The following NAGK variants were observed in gnomAD, a reference collection of about 807,000 sequenced individuals.
NAGK encodes N-acetylglucosamine kinase.
In NAGK, 35 loss-of-function variants were observed where a neutral mutation model predicts 42.9. The observed-to-expected ratio is 0.82, with a 90% confidence interval of 0.62 to 1.08. The LOEUF is 1.08. Ranked by LOEUF, NAGK falls within the 50% of genes least tolerant of loss-of-function variation. NAGK has a pLI of 0.00. For synonymous variants in NAGK, 172 were observed against 176.0 expected (o/e 0.98, Z 0.18); for missense variants, 446 against 446.0 (o/e 1.00, Z 0.00).
At chr2:71,077,469 G>A in intron 8 of NAGK, 89 bp from the exon 9 acceptor site, 2 of 1,275,172 alleles carry the variant, frequency 1.6e-6, no homozygotes, top group Non-Finnish European at 2.2e-6. Context: ...GAGTAACTGG[G>A]ATAGAGTGGG....
At chr2:71,070,381 G>T in intron 1 of NAGK, 121 bp from the exon 2 acceptor site, 1 of 729,656 alleles carries the variant, frequency 1.4e-6, no homozygotes, top group Non-Finnish European at 2.3e-6. Flanking sequence ...TGGGAGTGGT[G>T]ATTGAGTTTG....
intron 6 of NAGK, among the ~76,000 whole-genome samples, chr2:71,073,803 C>A (rs1672116765): frequency 6.6e-6 from 1 of 152,072 alleles, no homozygotes; most frequent in South Asian, 2.1e-4. Context: ...AGGAGGGTGT[C>A]AGTCATGAGG....
intron 1 of NAGK, 115 bp downstream of exon 1, chr2:71,068,827 C>G: frequency 7.1e-7 from 1 of 1,402,848 alleles, no homozygotes; most frequent in Non-Finnish European, 9.2e-7. Flanking sequence ...GGCGGCGGGA[C>G]CTTGCGGTGA....
At position 71,071,720 on chromosome 2, in the gene NAGK, C is replaced by A. The variant is rs956654671; in HGVS notation, c.248C>A (p.Ala83Glu). ...CTGAGCGGTGGGGACCAGGAGGACG[C>A]GGGGAGGATCCTGATCGAGGAGCTG... ...LSLSGGDQEDAGRILIEELRD... is the reference protein window; with the variant it reads ...LSLSGGDQEDEGRILIEELRD... Residue 83 changes from alanine to glutamate, a missense_variant, in exon 4 of 10, where the codon GCG (alanine) becomes GAG (glutamate). Physicochemically the swap from Ala to Glu is moderately radical, Grantham distance 107. Coordinates refer to ENST00000244204, the MANE Select transcript of NAGK (RefSeq NM_017567.6). 3.2e-5 allele frequency: 52 copies of A among 1,613,794 alleles called. No homozygotes were observed. The highest frequency in any genetic ancestry group is 4.4e-5 in the Non-Finnish European group (52 of 1,179,986).
chr2:71,076,342 G>A lies in NAGK; in HGVS notation c.668-262G>A, dbSNP rs117610220. ...TACTAGGTGCCAGTGCATTCCTTTAGTGGGTGCTGCCCTCCCTTCCTGAGT... is the reference window on the plus strand; with the variant it reads ...TACTAGGTGCCAGTGCATTCCTTTAATGGGTGCTGCCCTCCCTTCCTGAGT... On this transcript the variant is annotated intron_variant, in intron 7 of 9. Transcript: ENST00000244204. 2.1e-3 allele frequency: 791 copies of A among 369,780 alleles called. 9 individuals are homozygous for A. Among genetic ancestry groups the A allele is most frequent in the East Asian group, 0.015 (247 of 16,662 alleles). 22.9% of individuals were successfully genotyped at this position (369,780 alleles called of 1,614,324 possible).
rs184414643 is a variant in NAGK at position 71,079,136 on chromosome 2, C to G, written c.*628C>G. 6.6e-6 allele frequency: 1 copy of G among 152,496 alleles called. No individual in the cohort carries two copies. The highest frequency in any genetic ancestry group is 1.9e-4 in the East Asian group (1 of 5,192). The allele number at this position is 152,496 out of a possible 1,614,324, so 9.4% of individuals were successfully genotyped here. The stretch of plus-strand genomic sequence containing the variant: ...AGTTTTTGAAAGGTTATGAGGATGG[C>G]TGAGATCCAAGAAGACCAACTAGGT... On this transcript the variant is annotated 3_prime_UTR_variant, in exon 10 of 10. Transcript: ENST00000244204.
chr2:71,072,239 C>CT (rs748957562), intron 4 of NAGK: 4 of 257,326 alleles, frequency 1.6e-5, no homozygotes, highest in Admixed American at 1.5e-4. Context: ...TTCCAAAACT[C>CT]TGAGTTTCAG....
chr2:71,077,365 C>G (rs1672250111), intron 8 of NAGK, among the ~76,000 whole-genome samples, 193 bp from the exon 9 acceptor site: 1 of 152,158 alleles, frequency 6.6e-6, no homozygotes, highest in Admixed American at 6.5e-5. Flanking sequence ...TTTTTCCTTC[C>G]TCTTCTCTCC....
At chr2:71,070,693 T>C in intron 2 of NAGK, 48 bp from the exon 3 acceptor site, 3 of 1,612,342 alleles carry the variant, frequency 1.9e-6, no homozygotes, top group African/African-American at 1.3e-5. Flanking sequence ...GGGGGCAACA[T>C]AGCTTCTGTA....
intron 5 of NAGK, chr2:71,073,176 A>C: frequency 2.0e-6 from 1 of 499,986 alleles, no homozygotes. Flanking sequence ...AGTTCATGGC[A>C]GTGACTCCGG....
chr2:71,070,271 G>A, intron 1 of NAGK: 2 of 450,480 alleles, frequency 4.4e-6, no homozygotes, highest in East Asian at 4.4e-5. Flanking sequence ...TGAAGCGTAA[G>A]TAGAGTCTTG....
chr2:71,075,213 G>T (rs1672164273), intron 6 of NAGK: 1 of 195,256 alleles, frequency 5.1e-6, no homozygotes, highest in Non-Finnish European at 1.1e-5. Flanking sequence ...TGGGAGGATT[G>T]CTTAAGGCCA....
At chr2:71,074,915 C>CA (rs897007228) in intron 6 of NAGK, 3 of 150,328 alleles carry the variant, frequency 2.0e-5, no homozygotes, top group East Asian at 1.9e-4. Flanking sequence ...GACTCTGCCT[C>CA]AAAAAAAATA....
chr2:71,077,027 G>C (rs370875879), intron 8 of NAGK, among the ~76,000 whole-genome samples: 18 of 152,180 alleles, frequency 1.2e-4, no homozygotes, highest in African/African-American at 4.3e-4. Context: ...GCAGTAGCGT[G>C]ATCTCAGCTC....
At chr2:71,068,630 T>C, upstream of NAGK, 1 of 1,520,936 alleles carries the variant, frequency 6.6e-7, no homozygotes, top group Non-Finnish European at 8.8e-7. Context: ...GGGAAGGAGG[T>C]GTCAGGCGGG....
At chr2:71,072,512 T>G in intron 4 of NAGK, 129 bp from the exon 5 acceptor site, 1 of 704,580 alleles carries the variant, frequency 1.4e-6, no homozygotes, top group South Asian at 1.7e-5. Context: ...GGGCTCAGTT[T>G]TCTCCTCTAC....
intron 1 of NAGK, 168 bp downstream of exon 1, chr2:71,068,880 G>T: frequency 7.4e-7 from 1 of 1,356,736 alleles, no homozygotes; most frequent in Non-Finnish European, 9.4e-7. Flanking sequence ...GCGCACAGCT[G>T]TATGCCTTAC....
chr2:71,077,488 A>G, intron 8 of NAGK, 70 bp from the exon 9 acceptor site: 1 of 1,483,182 alleles, frequency 6.7e-7, no homozygotes, highest in Non-Finnish European at 9.2e-7. Context: ...GGTTGGTCAT[A>G]GGAAACTCCC....
chr2:71,068,839 G>A, intron 1 of NAGK, 127 bp downstream of exon 1: 1 of 1,395,012 alleles, frequency 7.2e-7, no homozygotes, highest in Non-Finnish European at 9.3e-7. Flanking sequence ...TTGCGGTGAA[G>A]AGGTGTGTGC....
Sources: gnomAD v4.1 joint callset for allele counts (sites outside exome capture counted in the v4.1 genomes callset) on GRCh38, gnomAD v4.1.1 for gene constraint, MANE v1.5 for transcripts, NCBI Gene and HGNC (gene_info 2026-07-23, HGNC 2026-07-21) for gene names.